The following CFTR variants were observed in gnomAD, a reference collection of about 807,000 sequenced individuals.
CFTR encodes the protein CF transmembrane conductance regulator.
Under a neutral mutation model 171.6 loss-of-function variants are expected in CFTR, and 181 were observed. That is an observed-to-expected ratio of 1.05 (90% confidence interval 0.93 to 1.19). The LOEUF is 1.19. CFTR is among the 50% of genes most tolerant of loss of function. The pLI is 0.00. For missense variants in CFTR, 1,968 were observed against 1,734.7 expected (o/e 1.13, Z -2.39); for synonymous variants, 583 against 608.0 (o/e 0.96, Z 0.60).
At chr7:117,651,725 C>T (rs1295877664) in intron 23 of CFTR, among the ~76,000 whole-genome samples, 1 of 152,074 alleles carries the variant, frequency 6.6e-6, no homozygotes, top group East Asian at 1.9e-4. Context: ...ATCAGTTATG[C>T]CCCGGGGTAT....
intron 22 of CFTR, among the ~76,000 whole-genome samples, chr7:117,636,627 A>G (rs192283110): frequency 6.6e-6 from 1 of 150,968 alleles, no homozygotes; most frequent in East Asian, 2.0e-4. Flanking sequence ...CTATTGACAT[A>G]TTCTCAACCT....
intron 7 of CFTR, among the ~76,000 whole-genome samples, chr7:117,537,901 C>A (rs150161591): frequency 9.9e-5 from 15 of 152,258 alleles, no homozygotes; most frequent in African/African-American, 3.4e-4. Flanking sequence ...CCTCTGCCTG[C>A]AAACACATAT....
At chr7:117,647,216 C>T (rs1793006747) in intron 23 of CFTR, 3 of 151,956 alleles carry the variant, frequency 2.0e-5, no homozygotes, top group Non-Finnish European at 2.9e-5. Flanking sequence ...AGTGATCCTC[C>T]CACCTCAGTC....
chr7:117,563,328 G>T (rs1791546835), intron 11 of CFTR, among the ~76,000 whole-genome samples: 1 of 152,042 alleles, frequency 6.6e-6, no homozygotes, highest in Non-Finnish European at 1.5e-5. Context: ...CTGACTACAA[G>T]GAGAAAGACT....
chr7:117,493,275 A>G (rs930733850), intron 1 of CFTR, among the ~76,000 whole-genome samples: 2 of 152,152 alleles, frequency 1.3e-5, no homozygotes, highest in Non-Finnish European at 2.9e-5. Context: ...TGAATCAATT[A>G]TCTATTACTG....
At position 117,548,667 on chromosome 7, in the gene CFTR, A is replaced by G; in HGVS notation, c.1236A>G (p.Ala412=). Reference sequence around the variant, plus strand: ...GATTTGGGGAATTATTTGAGAAAGCAAAACAAAACAATAACAATAGAAAAA... The same window carrying G: ...GATTTGGGGAATTATTTGAGAAAGCGAAACAAAACAATAACAATAGAAAAA... ...EEGFGELFEK[A]KQNNNNRKTS... Residue 412 remains alanine, a synonymous_variant, in exon 10 of 27, where the codon GCA becomes GCG. Transcript: ENST00000003084. 1 of 1,613,326 alleles carries G rather than the reference A, an allele frequency of 6.2e-7. No individual in the cohort carries two copies. The highest frequency in any genetic ancestry group is 8.5e-7 in the Non-Finnish European group (1 of 1,179,524).
At chr7:117,604,645 A>G (rs1262427447) in intron 17 of CFTR, 1 of 152,226 alleles carries the variant, frequency 6.6e-6, no homozygotes, top group African/African-American at 2.4e-5. Flanking sequence ...TTTTCTGGGT[A>G]ACAAAATTTC....
chr7:117,504,185 G>T, intron 1 of CFTR, 68 bp from the exon 2 acceptor site: 2 of 891,252 alleles, frequency 2.2e-6, no homozygotes, highest in Non-Finnish European at 1.9e-6. Context: ...AAGTTGAATA[G>T]TATCAGATTC....
intron 3 of CFTR, among the ~76,000 whole-genome samples, chr7:117,516,079 G>A (rs1053795255): frequency 2.6e-5 from 4 of 152,162 alleles, no homozygotes; most frequent in Non-Finnish European, 4.4e-5. Context: ...ATGAGACGAT[G>A]AGATATTAGT....
chr7:117,524,695 AG>A (rs1164648866), intron 3 of CFTR, among the ~76,000 whole-genome samples: 1 of 152,202 alleles, frequency 6.6e-6, no homozygotes, highest in African/African-American at 2.4e-5. Flanking sequence ...AAAAACATCC[AG>A]GGCAGCACTT....
intron 26 of CFTR, 83 bp downstream of exon 26, chr7:117,665,647 T>A: frequency 1.1e-6 from 1 of 881,012 alleles, no homozygotes; most frequent in Non-Finnish European, 1.9e-6. Context: ...TCCTGCAAAT[T>A]GCAACAATGT....
chr7:117,625,896 G>A (rs965448263), intron 21 of CFTR, among the ~76,000 whole-genome samples: 4 of 152,094 alleles, frequency 2.6e-5, no homozygotes, highest in South Asian at 2.1e-4. Context: ...AAGAATGACT[G>A]AGTCAAGAGT....
chr7:117,639,464 C>T (rs573563904), intron 22 of CFTR, among the ~76,000 whole-genome samples: 2 of 152,112 alleles, frequency 1.3e-5, no homozygotes, highest in Non-Finnish European at 2.9e-5. Flanking sequence ...GAGTCAGATT[C>T]TTCATGATAA....
rs397508293 is a variant in CFTR, at chr7:117,590,418, C to T, written c.1745C>T (p.Thr582Ile). The change falls in exon 13 of 27, where the codon ACA (threonine) becomes ATA (isoleucine). Residue 582 changes from threonine to isoleucine, a missense_variant. Transcript: ENST00000003084. ...DSPFGYLDVLTEKEIFESCVC... is the reference protein window; with the variant it reads ...DSPFGYLDVLIEKEIFESCVC... ...CCTTTTGGATACCTAGATGTTTTAACAGAAAAAGAAATATTTGAAAGGTAT... is the reference window on the plus strand; with the variant it reads ...CCTTTTGGATACCTAGATGTTTTAATAGAAAAAGAAATATTTGAAAGGTAT... The T allele has an allele frequency of 2.2e-5, 36 of 1,602,056 alleles. No individual in the cohort carries two copies. The highest frequency in any genetic ancestry group is 2.8e-5 in the Non-Finnish European group (33 of 1,171,632).
intron 1 of CFTR, among the ~76,000 whole-genome samples, chr7:117,490,205 G>C (rs1166340503): frequency 4.0e-5 from 6 of 151,690 alleles, no homozygotes; most frequent in African/African-American, 1.5e-4. Context: ...TCAGTACAAT[G>C]AGTTATCCTT....
At chr7:117,486,071 G>A (rs1019359104) in intron 1 of CFTR, among the ~76,000 whole-genome samples, 11 of 152,228 alleles carry the variant, frequency 7.2e-5, no homozygotes, top group Middle Eastern at 3.4e-3. Flanking sequence ...TTATTCCATC[G>A]AAGTTTTCTT....
At chr7:117,643,599 GT>G (rs1792952578) in intron 23 of CFTR, among the ~76,000 whole-genome samples, 2 of 152,208 alleles carry the variant, frequency 1.3e-5, no homozygotes, top group South Asian at 4.1e-4. Context: ...CTTTATCCTG[GT>G]TGGAGTTTTG....
intron 3 of CFTR, among the ~76,000 whole-genome samples, chr7:117,510,895 T>A (rs1324826269): frequency 6.6e-6 from 1 of 152,070 alleles, no homozygotes; most frequent in East Asian, 1.9e-4. Context: ...GGAGCAAAAA[T>A]TATCTCTAAT....
At chr7:117,655,336 A>G (rs1006730597) in intron 24 of CFTR, among the ~76,000 whole-genome samples, 4 of 152,182 alleles carry the variant, frequency 2.6e-5, no homozygotes, top group South Asian at 2.1e-4. Flanking sequence ...GCCTTCCACA[A>G]AACACTAGGA....
Sources: gnomAD v4.1 joint callset for allele counts (sites outside exome capture counted in the v4.1 genomes callset) on GRCh38, gnomAD v4.1.1 for gene constraint, MANE v1.5 for transcripts, NCBI Gene and HGNC (gene_info 2026-07-23, HGNC 2026-07-21) for gene names.